LRRC7: variants seen among roughly 807,000 people sequenced by gnomAD.
The protein encoded by LRRC7 is leucine-rich repeat-containing protein 7.
Under a neutral mutation model 175.7 loss-of-function variants are expected in LRRC7, and 23 were observed. That is an observed-to-expected ratio of 0.13 (90% CI 0.09 to 0.19). LRRC7 has a LOEUF of 0.19. Among genes scored for constraint, LRRC7 ranks in the 10% least tolerant of loss-of-function variants. The pLI, the probability that LRRC7 is intolerant of heterozygous loss-of-function variation, is 1.00. For synonymous variants in LRRC7, 685 were observed against 680.9 expected (o/e 1.01, Z -0.09); for missense variants, 1,354 against 1,904.7 (o/e 0.71, Z 5.38).
intron 24 of LRRC7, among the ~76,000 whole-genome samples, chr1:70,084,483 A>C (rs1050535645): frequency 3.9e-5 from 6 of 152,130 alleles, no homozygotes; most frequent in African/African-American, 1.4e-4. Context: ...TCAGTATTTC[A>C]TTCTTTGTCA....
rs115411862 is a variant in LRRC7 at position 69,682,809 on chromosome 1, T to C, written c.100+4331T>C. ...CTTTGGCTACCATAATAGAATACTTTCCTGATTTTTCTATAGTCCCTCTGG... is the reference window on the plus strand; with the variant it reads ...CTTTGGCTACCATAATAGAATACTTCCCTGATTTTTCTATAGTCCCTCTGG... On this transcript the variant is annotated intron_variant, in intron 2 of 26. Transcript: ENST00000651989. 5.2e-3 allele frequency among the ~76,000 whole-genome samples: 797 copies of C among 152,258 alleles called. 2 individuals carry two copies. The highest frequency in any genetic ancestry group is 8.7e-3 in the Non-Finnish European group (590 of 67,992).
At chr1:69,676,007 G>GCGCACA (rs1659714117) in intron 1 of LRRC7, among the ~76,000 whole-genome samples, 1 of 147,450 alleles carries the variant, frequency 6.8e-6, no homozygotes, top group African/African-American at 2.5e-5. Context: ...ATGAGTGCAT[G>GCGCACA]CACACACACA....
At chr1:69,969,719 C>A (rs1026955760) in intron 8 of LRRC7, among the ~76,000 whole-genome samples, 2 of 152,054 alleles carry the variant, frequency 1.3e-5, no homozygotes, top group African/African-American at 4.8e-5. Flanking sequence ...AAAGACAGGT[C>A]ATCAAGACAG....
chr1:69,929,254 A>C (rs549818742), intron 7 of LRRC7, among the ~76,000 whole-genome samples: 14 of 152,306 alleles, frequency 9.2e-5, no homozygotes, highest in Non-Finnish European at 2.1e-4. Context: ...TGCTCAAATT[A>C]TGTCTTTCCT....
In LRRC7 at chr1:69,827,493, G is replaced by A. The variant is rs555632547; in HGVS notation, c.500+1667G>A. ...TTGAAATTCATAAAAATTATGAAAA[G>A]TCAACATAAATTGTTTATCAAATTT... On this transcript the variant is annotated intron_variant, in intron 5 of 26. Coordinates refer to ENST00000651989, the MANE Select transcript of LRRC7 (RefSeq NM_001370785.2). Among the ~76,000 whole-genome samples, 9 of 152,216 alleles carry A rather than the reference G, an allele frequency of 5.9e-5. No individual in the cohort carries two copies. In the South Asian group the frequency reaches 1.7e-3, roughly 28 times the overall value.
At chr1:69,662,822 G>A (rs901222648) in intron 1 of LRRC7, among the ~76,000 whole-genome samples, 1 of 152,202 alleles carries the variant, frequency 6.6e-6, no homozygotes, top group African/African-American at 2.4e-5. Flanking sequence ...CATAGTCCTG[G>A]TCTGGGGTTT....
At position 69,578,053 on chromosome 1, in the gene LRRC7, G is replaced by C. The variant is rs576118443; in HGVS notation, c.2+9412G>C. On this transcript the variant is annotated intron_variant, in intron 1 of 26. Transcript: ENST00000651989. Reference sequence around the variant, plus strand: ...TCACAACCTACTCATCTGACAAAGGGCTAATATCCAGAATCTACAATGAAC... The same window carrying C: ...TCACAACCTACTCATCTGACAAAGGCCTAATATCCAGAATCTACAATGAAC... Among the ~76,000 whole-genome samples, 9 of 152,068 alleles carry C rather than the reference G, an allele frequency of 5.9e-5. No individual in the cohort carries two copies. The South Asian group carries it at 1.9e-3, about 32-fold the overall frequency.
intron 8 of LRRC7, among the ~76,000 whole-genome samples, chr1:69,975,941 G>A (rs557125958): frequency 8.0e-5 from 12 of 150,332 alleles, no homozygotes; most frequent in African/African-American, 2.0e-4. Context: ...GTTCCTCTTC[G>A]CCAGTGTCTT....
chr1:69,753,290 G>GTT (rs1393138076), intron 2 of LRRC7, among the ~76,000 whole-genome samples: 1 of 123,800 alleles, frequency 8.1e-6, no homozygotes, highest in Non-Finnish European at 1.7e-5. Flanking sequence ...TGTCGTGTGT[G>GTT]TGTGTATGTG....
intron 8 of LRRC7, among the ~76,000 whole-genome samples, chr1:69,944,125 C>T (rs893305941): frequency 3.9e-4 from 60 of 152,010 alleles, no homozygotes; most frequent in African/African-American, 1.4e-3. Context: ...TGAACTGCAA[C>T]TCCCCATTTT....
chr1:69,612,154 T>C (rs1648865589), intron 1 of LRRC7, among the ~76,000 whole-genome samples: 1 of 152,048 alleles, frequency 6.6e-6, no homozygotes, highest in Admixed American at 6.6e-5. Flanking sequence ...TAAAAGTGAA[T>C]AAATGTATTT....
intron 25 of LRRC7, 28 bp downstream of exon 25, chr1:70,089,847 A>G: frequency 1.4e-6 from 2 of 1,469,168 alleles, no homozygotes; most frequent in Non-Finnish European, 1.9e-6. Context: ...TGTTGACAAT[A>G]TTAATTAGAA....
At chr1:69,611,481 T>C (rs1183230590) in intron 1 of LRRC7, among the ~76,000 whole-genome samples, 1 of 152,062 alleles carries the variant, frequency 6.6e-6, no homozygotes, top group African/African-American at 2.4e-5. Flanking sequence ...TTAGAGGAAA[T>C]ACAAGTTTAG....
intron 8 of LRRC7, among the ~76,000 whole-genome samples, chr1:69,962,150 C>G (rs1041752101): frequency 6.6e-6 from 1 of 151,344 alleles, no homozygotes; most frequent in Non-Finnish European, 1.5e-5. Context: ...GAAAAAAAAA[C>G]ATTTAAAAGT....
chr1:69,835,288 ACAAT>A (rs1680976905), intron 6 of LRRC7, among the ~76,000 whole-genome samples: 1 of 151,906 alleles, frequency 6.6e-6, no homozygotes, highest in Non-Finnish European at 1.5e-5. Context: ...TTAAGGTAAA[ACAAT>A]CAACTGAAAA....
At chr1:69,757,737 A>T (rs1670588761) in intron 2 of LRRC7, among the ~76,000 whole-genome samples, 1 of 151,924 alleles carries the variant, frequency 6.6e-6, no homozygotes, top group Non-Finnish European at 1.5e-5. Flanking sequence ...AGCCATGGTG[A>T]GTGAGAGACG....
chr1:69,717,834 GAAAGAAAAAA>G lies in LRRC7; in HGVS notation c.100+39357_100+39366del, dbSNP rs1324125568. 3.5e-3 allele frequency among the ~76,000 whole-genome samples: 107 copies of G among 30,222 alleles called. 3 individuals carry two copies. The highest frequency in any genetic ancestry group is 5.2e-3 in the East Asian group (6 of 1,154). The allele number at this position is 30,222 out of a possible 152,430, so 19.8% of individuals were successfully genotyped here. On this transcript the variant is annotated intron_variant, in intron 2 of 26. Coordinates refer to ENST00000651989, the MANE Select transcript of LRRC7 (RefSeq NM_001370785.2). ...AGAAAGAAAGAAAGAAAGAAAGAAA[GAAAGAAAAAA>G]GAAAGAAAGGAAAGAAAGAAAGAAA...
intron 1 of LRRC7, among the ~76,000 whole-genome samples, chr1:69,632,290 G>A (rs1652635634): frequency 6.6e-6 from 1 of 152,050 alleles, no homozygotes; most frequent in African/African-American, 2.4e-5. Flanking sequence ...ACTAGACTCT[G>A]AGCTATGTGA....
intron 21 of LRRC7, among the ~76,000 whole-genome samples, chr1:70,040,255 G>T (rs1370704924): frequency 6.6e-6 from 1 of 152,124 alleles, no homozygotes; most frequent in South Asian, 2.1e-4. Flanking sequence ...CATAGTTACT[G>T]CTATGGGACT....
Sources: gnomAD v4.1 joint callset for allele counts (sites outside exome capture counted in the v4.1 genomes callset) on GRCh38, gnomAD v4.1.1 for gene constraint, MANE v1.5 for transcripts, NCBI Gene and HGNC (gene_info 2026-07-23, HGNC 2026-07-21) for gene names.